WAPL: variants seen among roughly 807,000 people sequenced by gnomAD.
WAPL encodes the protein wings apart-like protein homolog.
A neutral mutation model predicts 121.0 loss-of-function variants in WAPL; 5 were observed. The observed-to-expected ratio is 0.04, with a 90% CI of 0.02 to 0.09. The LOEUF (loss-of-function observed/expected upper bound fraction) is 0.09. Ranked by LOEUF, WAPL falls within the 10% of genes least tolerant of loss-of-function variation. The pLI, the probability that WAPL is intolerant of heterozygous loss-of-function variation, is 1.00. For synonymous variants in WAPL, 480 were observed against 481.5 expected (o/e 1.00, Z 0.04); for missense variants, 999 against 1,410.8 (o/e 0.71, Z 4.68).
chr10:86,489,623 G>C (rs965748845), intron 4 of WAPL, among the ~76,000 whole-genome samples: 4 of 152,124 alleles, frequency 2.6e-5, no homozygotes, highest in African/African-American at 9.7e-5. Context: ...AATGGAAAGA[G>C]GCCAGGGATG....
chr10:86,438,098 A>C, intron 17 of WAPL, 83 bp from the exon 18 acceptor site: 2 of 1,006,960 alleles, frequency 2.0e-6, no homozygotes, highest in Non-Finnish European at 3.0e-6. Context: ...GTTTTGACAC[A>C]CATCTTGGTG....
chr10:86,503,677 C>T (rs1214084141), intron 2 of WAPL, among the ~76,000 whole-genome samples: 1 of 151,632 alleles, frequency 6.6e-6, no homozygotes, highest in Non-Finnish European at 1.5e-5. Context: ...GGCGTGAACC[C>T]GGAAGGCGGA....
At position 86,440,835 on chromosome 10, in the gene WAPL, G is replaced by A. The variant is rs151153970; in HGVS notation, c.3411+2440C>T. Among the ~76,000 whole-genome samples, 97 of 149,408 alleles carry A rather than the reference G, an allele frequency of 6.5e-4. No homozygotes were observed. In the East Asian group the frequency reaches 7.1e-3, roughly 11 times the overall value. ...TTAAAATGTTAAGTATGGAAGAGAT[G>A]GACAAGATGGATTCAGAAAAACACA... is the stretch of plus-strand genomic sequence containing the variant. On this transcript the variant is annotated intron_variant, in intron 17 of 18. Coordinates refer to ENST00000298767, the MANE Select transcript of WAPL (RefSeq NM_015045.5).
intron 2 of WAPL, among the ~76,000 whole-genome samples, chr10:86,503,445 G>A (rs1233183006): frequency 6.6e-6 from 1 of 151,544 alleles, no homozygotes; most frequent in Non-Finnish European, 1.5e-5. Flanking sequence ...ATATCTGAAT[G>A]GCTGTCATGA....
chr10:86,478,157 T>C (rs535197771), intron 4 of WAPL, among the ~76,000 whole-genome samples: 3 of 149,486 alleles, frequency 2.0e-5, no homozygotes, highest in African/African-American at 7.4e-5. Flanking sequence ...TGGCTAAGCA[T>C]GGTAGCTCTC....
chr10:86,459,205 C>G, intron 11 of WAPL, 140 bp from the exon 12 acceptor site: 1 of 612,144 alleles, frequency 1.6e-6, no homozygotes, highest in Non-Finnish European at 2.7e-6. Context: ...AATTTCACAA[C>G]CTACAGGTTC....
chr10:86,459,199 T>C, intron 11 of WAPL, 134 bp from the exon 12 acceptor site: 1 of 637,536 alleles, frequency 1.6e-6, no homozygotes, highest in Non-Finnish European at 2.6e-6. Flanking sequence ...GGGAATAATT[T>C]CACAACCTAC....
At chr10:86,444,722 G>A (rs1288430388) in intron 16 of WAPL, among the ~76,000 whole-genome samples, 1 of 151,920 alleles carries the variant, frequency 6.6e-6, no homozygotes, top group African/African-American at 2.4e-5. Flanking sequence ...CTTTAGTGGT[G>A]ATAAAAACAA....
intron 15 of WAPL, 47 bp downstream of exon 15, chr10:86,451,920 A>C (rs1293174443): frequency 1.9e-6 from 3 of 1,598,576 alleles, no homozygotes; most frequent in Non-Finnish European, 2.6e-6. Context: ...AATTGGACAA[A>C]TCCAACAAAC....
At chr10:86,457,281 C>A (rs1274784046) in intron 12 of WAPL, among the ~76,000 whole-genome samples, 3 of 136,976 alleles carry the variant, frequency 2.2e-5, no homozygotes, top group Non-Finnish European at 4.5e-5. Context: ...CTTAAGCCCA[C>A]GAGTTTGAGA....
At chr10:86,520,067 G>A (rs544155272) in intron 1 of WAPL, among the ~76,000 whole-genome samples, 29 of 152,276 alleles carry the variant, frequency 1.9e-4, no homozygotes, top group East Asian at 1.9e-4. Context: ...AAGCCAAGAC[G>A]GGCAGATCAC....
At position 86,453,277 on chromosome 10, in the gene WAPL, A is replaced by G; in HGVS notation, c.2892T>C (p.Cys964=). ...QDGLIGTALN[C]VLQVPKYLPQ... ...GTAGGTACTTTGGAACCTGAAGCAC[A>G]CAGTTCAGCGCTGTGCCTATGAGAC... Residue 964 remains cysteine (C), a synonymous_variant, in exon 14 of 19, where the codon TGT becomes TGC. Coordinates refer to ENST00000298767, the MANE Select transcript of WAPL (RefSeq NM_015045.5). 3.7e-6 allele frequency: 6 copies of G among 1,614,150 alleles called. No individual in the cohort carries two copies. The highest frequency in any genetic ancestry group is 5.1e-6 in the Non-Finnish European group (6 of 1,180,018).
intron 17 of WAPL, among the ~76,000 whole-genome samples, chr10:86,440,881 T>TG (rs1554825371): frequency 0.28 from 9,135 of 32,534 alleles, 550 homozygotes; most frequent in East Asian, 0.54. Context: ...ATACACAAAG[T>TG]GAAAAAAAAA....
At position 86,452,077 on chromosome 10, in the gene WAPL, G is replaced by C. The variant is rs1316796020; in HGVS notation, c.3004C>G (p.Leu1002Val). The C allele has an allele frequency of 6.2e-7, 1 of 1,614,036 alleles. No individual in the cohort carries two copies. The highest frequency in any genetic ancestry group is 8.5e-7 in the Non-Finnish European group (1 of 1,180,008). The change falls in exon 15 of 19, where the codon CTT (leucine) becomes GTT (valine). Residue 1002 changes from leucine (L) to valine (V), a missense_variant. By Grantham distance (32) the Leu-to-Val change is conservative (BLOSUM62 1). This residue lies in a region of WAPL where 126 missense variants were observed against 144.0 expected (regional missense o/e 0.87). Transcript: ENST00000298767. ...GAGCACGATGTTTCCATGTTGACAA[G>C]ACAGTGCCGATTCCGAGCACTATAC... ...VEYSARNRHC[L>V]VNMETSCSFD...
intron 4 of WAPL, among the ~76,000 whole-genome samples, chr10:86,491,618 C>A (rs904156343): frequency 1.3e-5 from 2 of 151,950 alleles, no homozygotes; most frequent in South Asian, 4.2e-4. Flanking sequence ...TGAGCCTGAG[C>A]CATCTTATTG....
intron 4 of WAPL, among the ~76,000 whole-genome samples, chr10:86,488,146 C>T (rs945208595): frequency 3.9e-5 from 6 of 152,070 alleles, no homozygotes; most frequent in African/African-American, 1.4e-4. Context: ...TAGAATAAAA[C>T]GTGGTATTGG....
chr10:86,477,680 A>C (rs1193148810), intron 4 of WAPL, among the ~76,000 whole-genome samples: 7 of 152,136 alleles, frequency 4.6e-5, no homozygotes, highest in Non-Finnish European at 8.8e-5. Flanking sequence ...CAGGCACTGT[A>C]GTCCCAGCTA....
intron 17 of WAPL, among the ~76,000 whole-genome samples, chr10:86,440,436 C>T (rs987384606): frequency 2.0e-5 from 3 of 147,754 alleles, no homozygotes; most frequent in Admixed American, 1.4e-4. Context: ...TACAGGTGCC[C>T]ACCACCACGC....
At chr10:86,475,145 G>A (rs12262138) in intron 4 of WAPL, among the ~76,000 whole-genome samples, 2,834 of 152,274 alleles carry the variant, frequency 0.019, 96 homozygotes, top group African/African-American at 0.064. Context: ...TTTCCGAATT[G>A]AGAATAAATG....
Sources: allele counts gnomAD v4.1 joint callset (sites outside exome capture counted in the v4.1 genomes callset), GRCh38; gene constraint gnomAD v4.1.1; regional missense constraint gnomAD v4.1.1; transcripts MANE v1.5; gene names NCBI Gene and HGNC (gene_info 2026-07-23, HGNC 2026-07-21).